The following COP1 variants were observed in gnomAD, a reference collection of about 807,000 sequenced individuals.
COP1 encodes the protein COP1 E3 ubiquitin ligase.
COP1 carries 24 observed loss-of-function variants against 101.3 expected under a neutral mutation model. The observed-to-expected ratio is 0.24, with a 90% CI of 0.17 to 0.33. COP1 has a LOEUF of 0.33. Ranked by LOEUF, COP1 falls within the 10% of genes least tolerant of loss-of-function variation. The pLI, the probability that COP1 is intolerant of heterozygous loss-of-function variation, is 1.00. For missense variants in COP1, 663 were observed against 906.2 expected, an observed-to-expected ratio of 0.73 and a Z score of 3.45; for synonymous variants, 347 against 341.9, an observed-to-expected ratio of 1.01 and a Z score of -0.17.
intron 5 of COP1, among the ~76,000 whole-genome samples, chr1:176,158,096 GA>G (rs562503760): frequency 5.3e-4 from 78 of 146,150 alleles, no homozygotes; most frequent in African/African-American, 1.2e-3. Context: ...CACAAAGGGG[GA>G]AAAAAAAAAC....
At position 176,043,222 on chromosome 1, in the gene COP1, G is replaced by C. The variant is rs1355901611; in HGVS notation, c.1576C>G (p.Pro526Ala). ...CWSVDFNLMD[P>A]KLLASGSDDA... Reference sequence around the variant, plus strand: ...TCAGAACCTGAAGCCAAGAGTTTAGGATCCATCAAATTAAAGTCAACACTC... The same window carrying C: ...TCAGAACCTGAAGCCAAGAGTTTAGCATCCATCAAATTAAAGTCAACACTC... The change falls in exon 14 of 20, where the codon CCT becomes GCT. Residue 526 changes from proline (P) to alanine (A), a missense_variant. By Grantham distance (27) the Pro-to-Ala change is conservative (BLOSUM62 -1). Around this residue, in one of 4 missense-constraint regions of COP1, gnomAD observed 209 missense variants for 383.3 expected, o/e 0.55. Coordinates refer to ENST00000367669, the MANE Select transcript of COP1 (RefSeq NM_022457.7). 1 of 1,613,146 alleles carries C rather than the reference G, an allele frequency of 6.2e-7. No individual in the cohort carries two copies. Among genetic ancestry groups the C allele is most frequent in the South Asian group, 1.1e-5 (1 of 91,068 alleles).
At chr1:176,004,558 T>C (rs1377101421) in intron 15 of COP1, among the ~76,000 whole-genome samples, 5 of 152,104 alleles carry the variant, frequency 3.3e-5, no homozygotes, top group Non-Finnish European at 5.9e-5. Flanking sequence ...GTTTTTAGCA[T>C]GAAGGGTTGT....
intron 10 of COP1, among the ~76,000 whole-genome samples, chr1:176,084,889 A>G (rs780908704): frequency 5.3e-5 from 8 of 151,966 alleles, no homozygotes; most frequent in Non-Finnish European, 7.4e-5. Context: ...TTTTAAGCAG[A>G]TGCCTCATTA....
intron 14 of COP1, 43 bp downstream of exon 14, chr1:176,043,143 G>T (rs768474194): frequency 4.3e-6 from 5 of 1,175,366 alleles, no homozygotes; most frequent in East Asian, 2.3e-5. Flanking sequence ...CAGTTAAGAG[G>T]GCCAGGGAGA....
intron 15 of COP1, among the ~76,000 whole-genome samples, chr1:175,999,650 T>C (rs1661119966): frequency 6.6e-6 from 1 of 152,106 alleles, no homozygotes. Context: ...CTGGGTAATA[T>C]GGTAGCTCTA....
intron 10 of COP1, 103 bp downstream of exon 10, chr1:176,085,673 A>C (rs1680006620): frequency 1.8e-6 from 1 of 555,774 alleles, no homozygotes. Context: ...AAAAATACAT[A>C]CTTTTGCTTT....
chr1:176,162,270 T>C (rs1694453677), intron 5 of COP1, among the ~76,000 whole-genome samples: 1 of 152,210 alleles, frequency 6.6e-6, no homozygotes, highest in Admixed American at 6.5e-5. Context: ...AACCTCAGGG[T>C]AGTATTTGCT....
chr1:176,068,351 G>C (rs1015801564), intron 11 of COP1, among the ~76,000 whole-genome samples: 1 of 152,022 alleles, frequency 6.6e-6, no homozygotes, highest in Admixed American at 6.6e-5. Flanking sequence ...CCTGGAAATT[G>C]CTAGAAATGC....
At chr1:175,985,888 T>C (rs553633587) in intron 18 of COP1, among the ~76,000 whole-genome samples, 7 of 152,202 alleles carry the variant, frequency 4.6e-5, no homozygotes, top group African/African-American at 1.4e-4. Context: ...AGTGAAACTA[T>C]ACCTGAAACT....
intron 9 of COP1, among the ~76,000 whole-genome samples, chr1:176,096,310 T>C (rs1453332318): frequency 6.6e-6 from 1 of 152,120 alleles, no homozygotes; most frequent in Non-Finnish European, 1.5e-5. Flanking sequence ...TTTTCTTTTA[T>C]AATACTGGAG....
At position 176,021,663 on chromosome 1, in the gene COP1, T is replaced by A. The variant is rs116484573; in HGVS notation, c.1729+5909A>T. Among the ~76,000 whole-genome samples, 456 of 152,256 alleles carry A rather than the reference T, an allele frequency of 3.0e-3. 2 individuals are homozygous for A. Among genetic ancestry groups the A allele is most frequent in the African/African-American group, 0.01 (429 of 41,550 alleles). On this transcript the variant is annotated intron_variant, in intron 15 of 19. Coordinates refer to ENST00000367669, the MANE Select transcript of COP1 (RefSeq NM_022457.7). ...AAATCTGGGAAATGGTTGTCTACAT[T>A]AACAATGATAGGAAAGAACTGAAAA...
At chr1:176,076,589 C>A (rs775491105) in intron 11 of COP1, among the ~76,000 whole-genome samples, 12 of 151,888 alleles carry the variant, frequency 7.9e-5, no homozygotes, top group Non-Finnish European at 1.2e-4. Context: ...ACAATCTAAT[C>A]CCAAAGCTAG....
At chr1:175,971,053 G>C (rs1436494940) in intron 18 of COP1, among the ~76,000 whole-genome samples, 2 of 152,174 alleles carry the variant, frequency 1.3e-5, no homozygotes, top group African/African-American at 4.8e-5. Context: ...AAGATATATA[G>C]AAGACATTTC....
At chr1:175,970,396 C>T (rs1653008437) in intron 18 of COP1, among the ~76,000 whole-genome samples, 1 of 152,118 alleles carries the variant, frequency 6.6e-6, no homozygotes, top group Non-Finnish European at 1.5e-5. Context: ...AATGAAGAAA[C>T]TTTCTTAATG....
intron 5 of COP1, among the ~76,000 whole-genome samples, chr1:176,153,424 C>G (rs1274389877): frequency 6.6e-6 from 1 of 152,138 alleles, no homozygotes; most frequent in Non-Finnish European, 1.5e-5. Flanking sequence ...CTAGTGATTT[C>G]TGTACATTGA....
chr1:175,976,296 T>TTTTTTTTTTG (rs1553284850), intron 18 of COP1, among the ~76,000 whole-genome samples: 3 of 137,304 alleles, frequency 2.2e-5, no homozygotes, highest in Admixed American at 7.5e-5. Flanking sequence ...TTTTTTTTTT[T>TTTTTTTTTTG]AGACAGAGTC....
chr1:176,195,268 TTCAA>T (rs1336527308), intron 1 of COP1, among the ~76,000 whole-genome samples: 1 of 152,108 alleles, frequency 6.6e-6, no homozygotes, highest in Non-Finnish European at 1.5e-5. Context: ...AGAGTGACAT[TTCAA>T]AATGATAAGG....
chr1:176,108,489 TGA>T (rs1313689061), intron 9 of COP1, among the ~76,000 whole-genome samples: 1 of 152,146 alleles, frequency 6.6e-6, no homozygotes, highest in Non-Finnish European at 1.5e-5. Context: ...ATTTTAGCAT[TGA>T]TCACATGTAT....
intron 11 of COP1, among the ~76,000 whole-genome samples, chr1:176,050,498 G>C (rs1040294756): frequency 5.9e-5 from 9 of 152,170 alleles, no homozygotes; most frequent in African/African-American, 2.2e-4. Flanking sequence ...TATAAAGTAA[G>C]AGCAGTTGTC....
Sources: gnomAD v4.1 joint callset for allele counts (sites outside exome capture counted in the v4.1 genomes callset) on GRCh38, gnomAD v4.1.1 for gene constraint, gnomAD v4.1.1 regional missense constraint, MANE v1.5 for transcripts, NCBI Gene and HGNC (gene_info 2026-07-23, HGNC 2026-07-21) for gene names.